Variants in BRCA1 observed in about 807,000 individuals in gnomAD.
BRCA1 encodes the protein breast cancer type 1 susceptibility protein.
In BRCA1, 140 loss-of-function variants were observed where a neutral mutation model predicts 173.7. That is an observed-to-expected ratio of 0.81 (90% CI 0.70 to 0.93). BRCA1 has a LOEUF of 0.93. BRCA1 is among the 40% of genes least tolerant of loss of function. BRCA1 has a pLI of 0.00. For synonymous variants in BRCA1, 662 were observed against 756.0 expected (o/e 0.88, Z 2.04); for missense variants, 1,983 against 2,172.5 (o/e 0.91, Z 1.73).
At chr17:43,125,198 GAA>G (rs2055821722) in intron 1 of BRCA1, 71 bp downstream of exon 1, 1 of 454,578 alleles carries the variant, frequency 2.2e-6, no homozygotes, top group East Asian at 7.0e-5. Context: ...GTCAGCTTCG[GAA>G]ATCCACTCTC....
intron 22 of BRCA1, 75 bp from the exon 23 acceptor site, chr17:43,045,877 G>A (rs2152630808): frequency 6.3e-7 from 1 of 1,599,036 alleles, no homozygotes; most frequent in South Asian, 1.1e-5. Context: ...ATCGACTCCA[G>A]GGTCCTGGTT....
chr17:43,142,559 C>G (rs1274941549), intron 1 of BRCA1: 1 of 152,184 alleles, frequency 6.6e-6, no homozygotes, highest in Non-Finnish European at 1.5e-5. Context: ...GGCAGGTCAC[C>G]TACGTCCTTC....
chr17:43,144,630 C>T, intron 1 of BRCA1: 1 of 167,956 alleles, frequency 6.0e-6, no homozygotes. Context: ...TTTCTGATGG[C>T]CCTTGTTATT....
In BRCA1 at chr17:43,104,200, T is replaced by C. The variant is rs1060504552; in HGVS notation, c.363A>G (p.Glu121=). 1.2e-6 allele frequency: 2 copies of C among 1,613,724 alleles called. No homozygotes were observed. The highest frequency in any genetic ancestry group is 1.7e-6 in the Non-Finnish European group (2 of 1,179,640). The change falls in exon 6 of 23, where the codon GAA becomes GAG. Residue 121 remains glutamate, a synonymous_variant. Coordinates refer to ENST00000357654, the MANE Select transcript of BRCA1 (RefSeq NM_007294.4). The stretch of plus-strand genomic sequence containing the variant: ...AGCCCATACTTTGGATGATAGAAAC[T>C]TCATCTTTTAGATGTTCAGGAGAGT... ...ENNSPEHLKD[E]VSIIQSMGYR...
At chr17:43,096,024 A>C (rs2054122448) in intron 8 of BRCA1, 102 bp from the exon 9 acceptor site, 1 of 957,098 alleles carries the variant, frequency 1.0e-6, no homozygotes, top group Non-Finnish European at 1.6e-6. Flanking sequence ...GATTACAGAA[A>C]GCTGACCAAT....
chr17:43,049,023 G>T, intron 21 of BRCA1, 98 bp downstream of exon 21: 2 of 1,174,870 alleles, frequency 1.7e-6, no homozygotes, highest in Non-Finnish European at 2.5e-6. Context: ...GACTTCTGAG[G>T]CTACAGTAGG....
chr17:43,136,558 A>C (rs1050724408), intron 1 of BRCA1, among the ~76,000 whole-genome samples: 5 of 152,240 alleles, frequency 3.3e-5, no homozygotes, highest in African/African-American at 1.2e-4. Flanking sequence ...TAATATCCAG[A>C]ATCTACAAAG....
intron 11 of BRCA1, among the ~76,000 whole-genome samples, chr17:43,086,700 T>C (rs775847208): frequency 1.3e-5 from 2 of 152,192 alleles, no homozygotes; most frequent in Non-Finnish European, 2.9e-5. Context: ...TAATCAGAAA[T>C]TGCAACCTTA....
intron 22 of BRCA1, among the ~76,000 whole-genome samples, chr17:43,046,072 C>T (rs960788603): frequency 6.6e-6 from 1 of 151,876 alleles, no homozygotes; most frequent in Admixed American, 6.6e-5. Flanking sequence ...CAGGCACATG[C>T]CATCACACCC....
intron 1 of BRCA1, among the ~76,000 whole-genome samples, chr17:43,141,667 C>T (rs544037095): frequency 6.6e-6 from 1 of 150,506 alleles, no homozygotes; most frequent in Non-Finnish European, 1.5e-5. Flanking sequence ...AAAAAATTAG[C>T]CAGGTGTGGT....
At chr17:43,125,837 G>A (rs184820044), upstream of BRCA1, 1 of 156,048 alleles carries the variant, frequency 6.4e-6, no homozygotes, top group East Asian at 1.9e-4. Context: ...ATGCGTTGCG[G>A]AATGAAAGGT....
intron 15 of BRCA1, among the ~76,000 whole-genome samples, chr17:43,070,680 C>A (rs562983410): frequency 1.3e-5 from 2 of 152,268 alleles, no homozygotes; most frequent in African/African-American, 2.4e-5. Flanking sequence ...ATATCATACC[C>A]AAAGTATAGC....
Position 43,146,760 on chromosome 17 carries a change from C to T in BRCA1, c.-19-22645G>A, listed in dbSNP as rs541130979. Among the ~76,000 whole-genome samples the T allele has an allele frequency of 2.0e-5, 3 of 152,310 alleles. No homozygotes were observed. In the East Asian group the frequency reaches 5.8e-4, roughly 29 times the overall value. On this transcript the variant is annotated intron_variant, in intron 1 of 7. Transcript: ENST00000634433. ...GGCTAGGGTCACTCTGTGTTCTCCT[C>T]CTAGGGCAGGGCCTCACTCTCTTCC...
chr17:43,055,507 G>A (rs929776673), intron 19 of BRCA1, among the ~76,000 whole-genome samples: 5 of 152,180 alleles, frequency 3.3e-5, no homozygotes, highest in African/African-American at 9.7e-5. Context: ...AATTAAGGCC[G>A]GGTGCAGTGG....
chr17:43,048,075 T>A (rs2051013616), intron 21 of BRCA1, among the ~76,000 whole-genome samples: 1 of 152,124 alleles, frequency 6.6e-6, no homozygotes, highest in South Asian at 2.1e-4. Context: ...AATAATTTTT[T>A]TGTAGACATG....
intron 1 of BRCA1, among the ~76,000 whole-genome samples, chr17:43,168,869 T>TG: frequency 6.6e-6 from 1 of 152,304 alleles, no homozygotes; most frequent in East Asian, 1.9e-4. Context: ...TGCTTCTGGC[T>TG]GTTTTCTTTT....
chr17:43,159,728 C>A (rs1481102915), intron 1 of BRCA1: 1 of 170,506 alleles, frequency 5.9e-6, no homozygotes, highest in East Asian at 1.8e-4. Flanking sequence ...GGTCCTCTGC[C>A]TAGGAAAACC....
At chr17:43,129,795 A>G (rs187708866), upstream of BRCA1, among the ~76,000 whole-genome samples, 2 of 152,210 alleles carry the variant, frequency 1.3e-5, no homozygotes, top group African/African-American at 2.4e-5. Context: ...TTAAAGTTGG[A>G]AAGTGGTATT....
intron 11 of BRCA1, among the ~76,000 whole-genome samples, chr17:43,088,724 G>T (rs1292349328): frequency 6.6e-6 from 1 of 152,180 alleles, no homozygotes; most frequent in Non-Finnish European, 1.5e-5. Context: ...AGCCACAGCA[G>T]GATGAATCGA....
Sources: gnomAD v4.1 joint callset for allele counts (sites outside exome capture counted in the v4.1 genomes callset) on GRCh38, gnomAD v4.1.1 for gene constraint, MANE v1.5 for transcripts, NCBI Gene and HGNC (gene_info 2026-07-23, HGNC 2026-07-21) for gene names.